The following ACOT7 variants were observed in gnomAD, a reference collection of about 807,000 sequenced individuals.
The protein encoded by ACOT7 is cytosolic acyl coenzyme A thioester hydrolase.
ACOT7 carries 12 observed loss-of-function variants against 40.2 expected under a neutral mutation model. The ratio of observed to expected loss-of-function variants is 0.30; its 90% CI spans 0.19 to 0.48. The LOEUF is 0.48. ACOT7 is among the 20% of genes least tolerant of loss of function. ACOT7 has a pLI of 0.99. For synonymous variants in ACOT7, 228 were observed against 219.5 expected (o/e 1.04, Z -0.34); for missense variants, 395 against 530.8 (o/e 0.74, Z 2.51).
intron 4 of ACOT7, 36 bp downstream of exon 4, chr1:6,333,441 T>C: frequency 6.2e-7 from 1 of 1,609,808 alleles, no homozygotes; most frequent in Non-Finnish European, 8.5e-7. Flanking sequence ...ATCTCTGCCA[T>C]CTGCCCCCAA....
In ACOT7 at chr1:6,288,911, CA is replaced by C. The variant is rs527565482; in HGVS notation, c.829+5952del. 9.2e-5 allele frequency among the ~76,000 whole-genome samples: 14 copies of C among 152,346 alleles called. No homozygotes were observed. The East Asian group carries it at 2.1e-3, about 23-fold the overall frequency. On this transcript the variant is annotated intron_variant, in intron 7 of 8. Coordinates refer to ENST00000361521, the MANE Select transcript of ACOT7 (RefSeq NM_007274.4). The surrounding 1 kb of genome is among the most constrained non-coding windows in gnomAD (Gnocchi z 4.3). ...GTAACTTCCTGACAGACACCCCACC[CA>C]AGCGAGGGCAAGCCACAGCCACAGG...
intron 1 of ACOT7, among the ~76,000 whole-genome samples, chr1:6,363,493 A>C (rs1024634092): frequency 4.6e-5 from 7 of 152,146 alleles, no homozygotes; most frequent in Admixed American, 1.3e-4. Context: ...TCACGCTCCT[A>C]GTCCACTTTC....
At chr1:6,328,009 C>A (rs749007904) in intron 4 of ACOT7, among the ~76,000 whole-genome samples, 3 of 151,978 alleles carry the variant, frequency 2.0e-5, no homozygotes, top group South Asian at 4.2e-4. Context: ...CTTGACCTTG[C>A]GATCTGCCCG....
chr1:6,385,805 C>A, intron 1 of ACOT7: 1 of 1,424,910 alleles, frequency 7.0e-7, no homozygotes, highest in Non-Finnish European at 9.1e-7. Flanking sequence ...CCTGCTCCTC[C>A]TAGGACCGCC....
rs115868516 is a variant in ACOT7 at position 6,273,944 on chromosome 1, G to A, written c.1014+7158C>T. On this transcript the variant is annotated intron_variant, in intron 8 of 8. Transcript: ENST00000361521. ...CCCTGCCCCGTGACAAAGGCCCCAC[G>A]TGGGGACCTCTTTCTCTGTCCTACA... Among the ~76,000 whole-genome samples the A allele has an allele frequency of 5.1e-3, 776 of 152,338 alleles. 4 individuals are homozygous for A. Among genetic ancestry groups the A allele is most frequent in the African/African-American group, 0.017 (703 of 41,576 alleles).
intron 6 of ACOT7, among the ~76,000 whole-genome samples, chr1:6,309,377 G>A (rs1251054456): frequency 6.6e-6 from 1 of 152,184 alleles, no homozygotes; most frequent in Admixed American, 6.5e-5. Context: ...GGAGAGGAGG[G>A]ACCCAGAGAC....
intron 5 of ACOT7, among the ~76,000 whole-genome samples, chr1:6,325,145 T>C (rs886284957): frequency 6.6e-6 from 1 of 152,216 alleles, no homozygotes; most frequent in Non-Finnish European, 1.5e-5. Flanking sequence ...ACGTCTGTAA[T>C]CCCAGCTCTT....
intron 6 of ACOT7, among the ~76,000 whole-genome samples, chr1:6,308,068 AG>A (rs1269104339): frequency 6.6e-6 from 1 of 151,010 alleles, no homozygotes; most frequent in Admixed American, 6.6e-5. Flanking sequence ...CCACAGGCAG[AG>A]GGAACAGTGA....
At position 6,339,476 on chromosome 1, in the gene ACOT7, A is replaced by C. The variant is rs763012913; in HGVS notation, c.375T>G (p.Ser125=). 1.2e-6 allele frequency: 2 copies of C among 1,613,742 alleles called. No individual in the cohort carries two copies. Among genetic ancestry groups the C allele is most frequent in the South Asian group, 2.2e-5 (2 of 91,082 alleles). ...SAEITYTSKH[S]VEVQVNVMSE... is the part of the protein sequence containing the mutation. ...ACATCACGTTGACCTGCACCTCCAC[A>C]GAGTGCTTGGAGGTGTAGGTGATCT... is the stretch of plus-strand genomic sequence containing the variant. The change falls in exon 3 of 9, where the codon TCT becomes TCG. Residue 125 remains serine (S), a synonymous_variant. Transcript: ENST00000361521.
Position 6,359,110 on chromosome 1 carries a change from T to C in ACOT7, c.144-9244A>G, listed in dbSNP as rs2148464823. 1 of 372,454 alleles carries C rather than the reference T, an allele frequency of 2.7e-6. No homozygotes were observed. 23.1% of individuals were successfully genotyped at this position (372,454 alleles called of 1,614,324 possible). A position where few individuals can be genotyped will look rare whatever the true frequency, so the allele number is the denominator to read the frequency against. ...GAAGAAGTAATTCTGTGAGCTCTTC[T>C]GGCTGCCATGCCAGGAGATCAGGAA... On this transcript the variant is annotated intron_variant, in intron 1 of 8. Coordinates refer to ENST00000361521, the MANE Select transcript of ACOT7 (RefSeq NM_007274.4). The surrounding 1 kb of genome is among the most constrained non-coding windows in gnomAD (Gnocchi z 4.1).
intron 1 of ACOT7, among the ~76,000 whole-genome samples, chr1:6,379,426 G>C (rs1642294489): frequency 6.6e-6 from 1 of 151,740 alleles, no homozygotes; most frequent in Non-Finnish European, 1.5e-5. Flanking sequence ...ACTCAAGATA[G>C]GTCAAACACC....
intron 3 of ACOT7, among the ~76,000 whole-genome samples, chr1:6,336,141 G>A (rs968451914): frequency 3.9e-5 from 6 of 151,984 alleles, no homozygotes; most frequent in Non-Finnish European, 5.9e-5. Flanking sequence ...GCTCAGAATC[G>A]AGACCATGCT....
At chr1:6,377,351 C>T (rs1373495374) in intron 1 of ACOT7, among the ~76,000 whole-genome samples, 2 of 152,196 alleles carry the variant, frequency 1.3e-5, no homozygotes, top group Admixed American at 6.5e-5. Flanking sequence ...GCCTGGACAA[C>T]ATAGCGAGAC....
intron 8 of ACOT7, among the ~76,000 whole-genome samples, chr1:6,276,992 C>A (rs74049522): frequency 0.078 from 11,796 of 150,358 alleles, 772 homozygotes; most frequent in African/African-American, 0.17. Flanking sequence ...CTCTGACCAC[C>A]CCCCCCCAGG....
At chr1:6,364,300 G>A (rs528604437) in intron 1 of ACOT7, among the ~76,000 whole-genome samples, 3 of 152,290 alleles carry the variant, frequency 2.0e-5, no homozygotes, top group African/African-American at 7.2e-5. Flanking sequence ...CCAGCACTTT[G>A]GGAGGCCAAG....
At chr1:6,377,071 T>C (rs550341623) in intron 1 of ACOT7, among the ~76,000 whole-genome samples, 53 of 152,236 alleles carry the variant, frequency 3.5e-4, no homozygotes, top group African/African-American at 1.2e-3. Context: ...AAACCCAAAG[T>C]ACTGACAACA....
intron 4 of ACOT7, among the ~76,000 whole-genome samples, chr1:6,333,011 C>T (rs970268688): frequency 5.9e-5 from 9 of 152,158 alleles, no homozygotes; most frequent in Admixed American, 2.0e-4. Context: ...GAGATCAGAA[C>T]CAGCTTGCAG....
chr1:6,272,310 G>A (rs531996456), intron 8 of ACOT7, among the ~76,000 whole-genome samples: 1 of 152,368 alleles, frequency 6.6e-6, no homozygotes, highest in Admixed American at 6.5e-5. Flanking sequence ...AAATAGGGAT[G>A]GTCTTTATGT....
intron 2 of ACOT7, among the ~76,000 whole-genome samples, chr1:6,347,446 T>G (rs1215430702): frequency 1.3e-5 from 2 of 152,196 alleles, no homozygotes; most frequent in Non-Finnish European, 2.9e-5. Context: ...CTCAGTTTCC[T>G]TATCTATGCA....
Sources: gnomAD v4.1 joint callset for allele counts (sites outside exome capture counted in the v4.1 genomes callset) on GRCh38, gnomAD v4.1.1 for gene constraint, Gnocchi (gnomAD v3.1) non-coding constraint, MANE v1.5 for transcripts, NCBI Gene and HGNC (gene_info 2026-07-23, HGNC 2026-07-21) for gene names.